Variants in KMO observed in about 807,000 individuals in gnomAD.
The protein encoded by KMO is kynurenine 3-monooxygenase, also known as kynurenine 3-hydroxylase.
Under a neutral mutation model 57.8 loss-of-function variants are expected in KMO, and 24 were observed. That is an observed-to-expected ratio of 0.42 (90% CI 0.30 to 0.58). The LOEUF is 0.58. KMO is among the 20% of genes least tolerant of loss of function. The probability of loss-of-function intolerance (pLI) is 0.22; values close to 1 mark genes in which losing one functional copy is unlikely to be tolerated. For synonymous variants in KMO, 210 were observed against 193.6 expected, an observed-to-expected ratio of 1.08 and a Z score of -0.70; for missense variants, 483 against 588.2, an observed-to-expected ratio of 0.82 and a Z score of 1.85.
At chr1:241,552,914 A>G (rs928795373) in intron 4 of KMO, among the ~76,000 whole-genome samples, 1 of 152,220 alleles carries the variant, frequency 6.6e-6, no homozygotes, top group African/African-American at 2.4e-5. Flanking sequence ...TCTAATATAC[A>G]GAGCAGGTCA....
rs1467047498 is a variant in KMO at position 241,592,744 on chromosome 1, T to TATC, written c.*592_*594dup. 4.6e-5 allele frequency: 7 copies of TATC among 150,752 alleles called. No homozygotes were observed. Among genetic ancestry groups the TATC allele is most frequent in the African/African-American group, 1.5e-4 (6 of 39,366 alleles). The allele number at this position is 150,752 out of a possible 1,614,324, so 9.3% of individuals were successfully genotyped here. A position where few individuals can be genotyped will look rare whatever the true frequency, so the allele number is the denominator to read the frequency against. On this transcript the variant is annotated 3_prime_UTR_variant, in exon 15 of 15. Transcript: ENST00000366559. ...ATCGTCTATCTATCTATCATCTATCTATCTATCTATCATCTATCTATCTAT... is the reference window on the plus strand; with the variant it reads ...ATCGTCTATCTATCTATCATCTATCTATCATCTATCTATCATCTATCTATCTAT...
chr1:241,542,429 A>G (rs1403405434), intron 1 of KMO, among the ~76,000 whole-genome samples: 1 of 152,250 alleles, frequency 6.6e-6, no homozygotes, highest in Non-Finnish European at 1.5e-5. Flanking sequence ...ATCCATAATT[A>G]TGTAACCAAG....
intron 10 of KMO, among the ~76,000 whole-genome samples, chr1:241,573,624 A>G (rs1251143087): frequency 6.6e-6 from 1 of 152,006 alleles, no homozygotes; most frequent in Non-Finnish European, 1.5e-5. Flanking sequence ...ATTCTGTTCC[A>G]TTGGTCTATC....
intron 10 of KMO, among the ~76,000 whole-genome samples, chr1:241,582,406 A>C (rs1428921964): frequency 2.0e-5 from 3 of 152,202 alleles, no homozygotes; most frequent in African/African-American, 7.2e-5. Flanking sequence ...AACAACTATT[A>C]GATTTGCCCT....
rs763026451 is a variant in KMO at position 241,592,712 on chromosome 1, T to C, written c.*559T>C. Reference sequence around the variant, plus strand: ...CTTCAAATATAAGTATTATCATCTATCTGTTTATCGTCTATCTATCTATCA... The same window carrying C: ...CTTCAAATATAAGTATTATCATCTACCTGTTTATCGTCTATCTATCTATCA... On this transcript the variant is annotated 3_prime_UTR_variant, in exon 15 of 15. Coordinates refer to ENST00000366559, the MANE Select transcript of KMO (RefSeq NM_003679.5). 6.4e-6 allele frequency: 1 copy of C among 155,636 alleles called. No individual in the cohort carries two copies. The highest frequency in any genetic ancestry group is 1.4e-5 in the Non-Finnish European group (1 of 70,500). The allele number at this position is 155,636 out of a possible 1,614,324, so 9.6% of individuals were successfully genotyped here. A position where few individuals can be genotyped will look rare whatever the true frequency, so the allele number is the denominator to read the frequency against.
chr1:241,551,693 C>T (rs1161605726), intron 4 of KMO, among the ~76,000 whole-genome samples: 2 of 152,160 alleles, frequency 1.3e-5, no homozygotes, highest in East Asian at 3.9e-4. Flanking sequence ...ACCAAACATC[C>T]ATCGACAACA....
At chr1:241,534,818 C>T (rs967924805) in intron 1 of KMO, among the ~76,000 whole-genome samples, 1 of 152,190 alleles carries the variant, frequency 6.6e-6, no homozygotes, top group African/African-American at 2.4e-5. Flanking sequence ...TTAAAATCTT[C>T]CAATGATCTC....
intron 1 of KMO, among the ~76,000 whole-genome samples, chr1:241,533,356 G>GCGCC (rs1296719262): frequency 2.0e-5 from 3 of 152,162 alleles, no homozygotes; most frequent in Non-Finnish European, 4.4e-5. Flanking sequence ...AATTTATTGA[G>GCGCC]GGCGTAACAC....
intron 5 of KMO, among the ~76,000 whole-genome samples, chr1:241,556,432 T>C (rs1433323672): frequency 6.6e-6 from 1 of 152,206 alleles, no homozygotes; most frequent in Non-Finnish European, 1.5e-5. Flanking sequence ...CCCACTTCAC[T>C]GACAATTCTC....
At chr1:241,547,375 T>A (rs1661189246) in intron 1 of KMO, among the ~76,000 whole-genome samples, 1 of 151,898 alleles carries the variant, frequency 6.6e-6, no homozygotes, top group South Asian at 2.1e-4. Flanking sequence ...ATTTTTAATG[T>A]TTAAAAATGA....
chr1:241,590,505 C>T (rs1227724280), intron 14 of KMO, among the ~76,000 whole-genome samples: 1 of 152,188 alleles, frequency 6.6e-6, no homozygotes, highest in East Asian at 1.9e-4. Flanking sequence ...GCTAATATTT[C>T]TCAACTTTTT....
chr1:241,551,357 T>C (rs1373031508), intron 4 of KMO, among the ~76,000 whole-genome samples: 1 of 152,240 alleles, frequency 6.6e-6, no homozygotes, highest in African/African-American at 2.4e-5. Flanking sequence ...GTAGAGAAGA[T>C]GACTATCTTA....
chr1:241,566,932 T>C (rs1447086893), intron 9 of KMO, among the ~76,000 whole-genome samples: 1 of 152,172 alleles, frequency 6.6e-6, no homozygotes, highest in Non-Finnish European at 1.5e-5. Context: ...TACTGGTAGA[T>C]ACACAAATCT....
Position 241,594,989 on chromosome 1 carries a change from G to T in KMO, c.*2836G>T. 1 of 271,570 alleles carries T rather than the reference G, an allele frequency of 3.7e-6. No homozygotes were observed. The highest frequency in any genetic ancestry group is 6.9e-6 in the Non-Finnish European group (1 of 144,282). 16.8% of individuals were successfully genotyped at this position (271,570 alleles called of 1,614,324 possible). On this transcript the variant is annotated 3_prime_UTR_variant, in exon 15 of 15. Transcript: ENST00000366559. The stretch of plus-strand genomic sequence containing the variant: ...GCAGGTACAACTATTAAGAGATTTT[G>T]AACATTAAGTTAGTCCACAAATATT...
At chr1:241,554,379 G>A (rs1303741148) in intron 4 of KMO, among the ~76,000 whole-genome samples, 17 of 151,792 alleles carry the variant, frequency 1.1e-4, no homozygotes, top group Non-Finnish European at 2.1e-4. Context: ...AGGCCTCTCG[G>A]GTTCAAGCAG....
chr1:241,535,076 G>A lies in KMO; in HGVS notation c.54+2578G>A, dbSNP rs930887038. Among the ~76,000 whole-genome samples the A allele has an allele frequency of 2.6e-5, 4 of 151,968 alleles. No individual in the cohort carries two copies. In the South Asian group the frequency reaches 8.3e-4, roughly 32 times the overall value. ...TATGCCTAACATTATGTATTGGGTG[G>A]ATGAATAAATGAGAGGAATGAGAAA... On this transcript the variant is annotated intron_variant, in intron 1 of 14. Coordinates refer to ENST00000366559, the MANE Select transcript of KMO (RefSeq NM_003679.5).
In KMO at chr1:241,594,502, C is replaced by G; in HGVS notation, c.*2349C>G. On this transcript the variant is annotated 3_prime_UTR_variant, in exon 15 of 15. Coordinates refer to ENST00000366559, the MANE Select transcript of KMO (RefSeq NM_003679.5). Reference sequence around the variant, plus strand: ...TCGCTGTCGTCAACTGACAGTGATTCATCACTGGTGATGATAAAAATGATG... The same window carrying G: ...TCGCTGTCGTCAACTGACAGTGATTGATCACTGGTGATGATAAAAATGATG... 6.2e-7 allele frequency: 1 copy of G among 1,613,848 alleles called. No individual in the cohort carries two copies. The highest frequency in any genetic ancestry group is 8.5e-7 in the Non-Finnish European group (1 of 1,179,748).
At chr1:241,585,618 G>A (rs573075406) in intron 10 of KMO, among the ~76,000 whole-genome samples, 20 of 152,032 alleles carry the variant, frequency 1.3e-4, no homozygotes, top group Admixed American at 3.9e-4. Flanking sequence ...TTAGCTGGGC[G>A]TGGTGGTGCA....
intron 1 of KMO, among the ~76,000 whole-genome samples, chr1:241,535,362 T>C (rs1660720976): frequency 6.6e-6 from 1 of 151,482 alleles, no homozygotes; most frequent in Non-Finnish European, 1.5e-5. Flanking sequence ...GAAAAAAAAA[T>C]GAGAGTTGAG....
Sources: allele counts gnomAD v4.1 joint callset (sites outside exome capture counted in the v4.1 genomes callset), GRCh38; gene constraint gnomAD v4.1.1; transcripts MANE v1.5; gene names NCBI Gene and HGNC (gene_info 2026-07-23, HGNC 2026-07-21).